NOS1: variants seen among roughly 807,000 people sequenced by gnomAD.
The protein encoded by NOS1 is nitric oxide synthase 1, also known as NOS type I.
NOS1 carries 51 observed loss-of-function variants against 164.5 expected under a neutral mutation model. The observed-to-expected ratio is 0.31, with a 90% confidence interval of 0.25 to 0.39. The LOEUF (loss-of-function observed/expected upper bound fraction) is 0.39, where lower values mean the gene tolerates loss of function less well. Ranked by LOEUF, NOS1 falls within the 10% of genes least tolerant of loss-of-function variation. The pLI, the probability that NOS1 is intolerant of heterozygous loss-of-function variation, is 1.00. For synonymous variants in NOS1, 719 were observed against 745.8 expected (o/e 0.96, Z 0.59); for missense variants, 1,362 against 1,885.6 (o/e 0.72, Z 5.14).
rs1461666335 is a variant in NOS1 at position 117,330,695 on chromosome 12, G to A, written c.375C>T (p.Pro125=). 1 of 1,613,760 alleles carries A rather than the reference G, an allele frequency of 6.2e-7. No individual in the cohort carries two copies. Among genetic ancestry groups the A allele is most frequent in the Admixed American group, 1.7e-5 (1 of 60,020 alleles). The part of the protein sequence containing the change: ...GTPKTIRVTQ[P]LGPPTKAVDL... ...CCACGGCTTTGGTGGGGGGACCCAGGGGCTGTGTCACCCGGATGGTCTTGG... is the reference window on the plus strand; with the variant it reads ...CCACGGCTTTGGTGGGGGGACCCAGAGGCTGTGTCACCCGGATGGTCTTGG... Residue 125 remains proline (P), a synonymous_variant, in exon 2 of 29, where the codon CCC becomes CCT. Transcript: ENST00000317775. The surrounding 1 kb of genome is among the most constrained non-coding windows in gnomAD (Gnocchi z 4.6).
At chr12:117,305,420 C>T (rs1874087881) in intron 3 of NOS1, among the ~76,000 whole-genome samples, 2 of 149,506 alleles carry the variant, frequency 1.3e-5, no homozygotes, top group Middle Eastern at 3.6e-3. Context: ...GCGGAGATCG[C>T]GTCATTGCAC....
chr12:117,278,769 T>C (rs1355544951), intron 8 of NOS1, among the ~76,000 whole-genome samples: 1 of 150,542 alleles, frequency 6.6e-6, no homozygotes, highest in African/African-American at 2.4e-5. Context: ...ATATTAATAA[T>C]ATACTCATCT....
chr12:117,242,194 G>GT (rs913045857), intron 20 of NOS1, among the ~76,000 whole-genome samples: 5 of 152,166 alleles, frequency 3.3e-5, no homozygotes, highest in African/African-American at 1.2e-4. Flanking sequence ...GGGCTGTTTT[G>GT]TGAGGTAATG....
At position 117,234,074 on chromosome 12, in the gene NOS1, G is replaced by A. The variant is rs9658486; in HGVS notation, c.3235+491C>T. Among the ~76,000 whole-genome samples the A allele has an allele frequency of 6.2e-4, 95 of 152,258 alleles. No homozygotes were observed. Among genetic ancestry groups the A allele is most frequent in the Middle Eastern group, 3.4e-3 (1 of 294 alleles). On this transcript the variant is annotated intron_variant, in intron 21 of 28. Transcript: ENST00000317775. The surrounding 1 kb of genome is among the most constrained non-coding windows in gnomAD (Gnocchi z 4.3). ...GAAAGTTCTTCAATATGAATGTCAAGGATGGACACTTAAGCAGGCGAGAAC... is the reference window on the plus strand; with the variant it reads ...GAAAGTTCTTCAATATGAATGTCAAAGATGGACACTTAAGCAGGCGAGAAC...
chr12:117,231,395 A>G (rs1428128870), intron 22 of NOS1, among the ~76,000 whole-genome samples: 1 of 152,114 alleles, frequency 6.6e-6, no homozygotes, highest in Non-Finnish European at 1.5e-5. Flanking sequence ...AATTTATTGT[A>G]TATTTAAAAA....
chr12:117,211,502 C>T lies in NOS1; in HGVS notation c.*3807G>A. On this transcript the variant is annotated 3_prime_UTR_variant, in exon 29 of 29. Transcript: ENST00000317775. ...CCTTTTTGAAAAACATTCTTAGGGA[C>T]TCCCTGTTGCCTTCTGAATAAAGCC... 4.1e-6 allele frequency: 4 copies of T among 984,416 alleles called. No homozygotes were observed. The highest frequency in any genetic ancestry group is 4.8e-6 in the Non-Finnish European group (4 of 829,028). The allele number at this position is 984,416 out of a possible 1,614,324, so 61.0% of individuals were successfully genotyped here. A position where few individuals can be genotyped will look rare whatever the true frequency, so the allele number is the denominator to read the frequency against.
chr12:117,352,242 G>A (rs532793641), intron 1 of NOS1, among the ~76,000 whole-genome samples: 19 of 152,178 alleles, frequency 1.2e-4, no homozygotes, highest in African/African-American at 3.4e-4. Flanking sequence ...TTCAAGAGCC[G>A]ATGTCATGGC....
intron 22 of NOS1, among the ~76,000 whole-genome samples, chr12:117,231,650 T>C (rs995642711): frequency 5.3e-5 from 8 of 152,338 alleles, no homozygotes; most frequent in Admixed American, 3.9e-4. Context: ...TTTCTTTTTC[T>C]CCTAAGCATG....
rs200222625 is a variant in NOS1 at position 117,269,460 on chromosome 12, A to ATTTTTT, written c.1840-1317_1840-1316insAAAAAA. ...GGCCCAGGGGGCAGGATCTCTGGAGATTTGTTTTTTTTTTTTTTTTTTTTT... is the reference window on the plus strand; with the variant it reads ...GGCCCAGGGGGCAGGATCTCTGGAGATTTTTTTTTGTTTTTTTTTTTTTTTTTTTTT... On this transcript the variant is annotated intron_variant, in intron 10 of 28. Transcript: ENST00000317775. Among the ~76,000 whole-genome samples the ATTTTTT allele has an allele frequency of 6.4e-5, 7 of 110,046 alleles. 2 individuals are homozygous for ATTTTTT. Among genetic ancestry groups the ATTTTTT allele is most frequent in the Non-Finnish European group, 8.4e-5 (5 of 59,414 alleles). The allele number at this position is 110,046 out of a possible 152,430, so 72.2% of individuals were successfully genotyped here.
chr12:117,208,485 G>A lies in NOS1; in HGVS notation c.*6824C>T, dbSNP rs1054967153. 1.7e-5 allele frequency: 22 copies of A among 1,262,850 alleles called. No individual in the cohort carries two copies. In the Admixed American group the frequency reaches 3.1e-4, roughly 18 times the overall value. The allele number at this position is 1,262,850 out of a possible 1,614,324, so 78.2% of individuals were successfully genotyped here. ...CCAAGCCCGGAACGGACACTGCGAC[G>A]TGGGGTGCCCGGCACCGCTCTTTGG... On this transcript the variant is annotated 3_prime_UTR_variant, in exon 29 of 29. Coordinates refer to ENST00000317775, the MANE Select transcript of NOS1 (RefSeq NM_000620.5).
intron 20 of NOS1, among the ~76,000 whole-genome samples, chr12:117,241,097 G>A (rs903799973): frequency 6.6e-6 from 1 of 151,784 alleles, no homozygotes; most frequent in East Asian, 1.9e-4. Context: ...CCACAACCAC[G>A]CCTGGCTAAT....
rs965058711 is a variant in NOS1, at chr12:117,343,539, C to T, written c.-420-12050G>A. On this transcript the variant is annotated intron_variant, in intron 1 of 28. Coordinates refer to ENST00000317775, the MANE Select transcript of NOS1 (RefSeq NM_000620.5). Reference sequence around the variant, plus strand: ...CATTTAACATTTTGACTCTCAATTTCCTTTTGTGAAATCGAAACAGTAATA... The same window carrying T: ...CATTTAACATTTTGACTCTCAATTTTCTTTTGTGAAATCGAAACAGTAATA... 2.6e-5 allele frequency among the ~76,000 whole-genome samples: 4 copies of T among 152,132 alleles called. No homozygotes were observed. The East Asian group carries it at 7.7e-4, about 29-fold the overall frequency.
chr12:117,285,057 A>T (rs533617537), intron 7 of NOS1, among the ~76,000 whole-genome samples, 184 bp downstream of exon 7: 49 of 151,168 alleles, frequency 3.2e-4, no homozygotes, highest in African/African-American at 8.7e-4. Context: ...CTCAAAAAAA[A>T]AAATAAATAA....
rs550612870 is a variant in NOS1 at position 117,307,605 on chromosome 12, G to A, written c.852+3861C>T. On this transcript the variant is annotated intron_variant, in intron 3 of 28. Transcript: ENST00000317775. ...TGGTCTTAAATTCCTAGGCTCAAGC[G>A]ATCCACCTGCCTTGGCTTCCTAGAG... is the stretch of plus-strand genomic sequence containing the variant. 3.9e-5 allele frequency among the ~76,000 whole-genome samples: 6 copies of A among 152,168 alleles called. No homozygotes were observed. In the South Asian group the frequency reaches 1.0e-3, roughly 26 times the overall value.
intron 16 of NOS1, chr12:117,255,913 G>T: frequency 6.9e-7 from 1 of 1,442,796 alleles, no homozygotes; most frequent in Non-Finnish European, 9.2e-7. Flanking sequence ...ACACACCTGC[G>T]TGTACACACA....
chr12:117,282,676 G>T (rs1873773994), intron 7 of NOS1, among the ~76,000 whole-genome samples: 1 of 152,156 alleles, frequency 6.6e-6, no homozygotes, highest in African/African-American at 2.4e-5. Context: ...TCACATAGAG[G>T]CAAAGATGCT....
chr12:117,307,339 G>T lies in NOS1; in HGVS notation c.852+4127C>A, dbSNP rs974472116. On this transcript the variant is annotated intron_variant, in intron 3 of 28. Transcript: ENST00000317775. ...AGACTTTTGTGTGTGTAGAAATGAA[G>T]AATGTTGTTAGGTGCTTTTTTTTGT... 7.9e-5 allele frequency among the ~76,000 whole-genome samples: 12 copies of T among 152,022 alleles called. 1 individual carries two copies. Among genetic ancestry groups the T allele is most frequent in the Admixed American group, 7.9e-4 (12 of 15,254 alleles).
intron 1 of NOS1, among the ~76,000 whole-genome samples, chr12:117,336,263 C>A (rs550802731): frequency 1.3e-5 from 2 of 152,178 alleles, no homozygotes; most frequent in African/African-American, 4.8e-5. Context: ...CTGGTTTACC[C>A]GTGCTTTCCA....
In NOS1 at chr12:117,242,695, A is replaced by G. The variant is rs945096543; in HGVS notation, c.2973T>C (p.Asn991=). The G allele has an allele frequency of 3.1e-6, 5 of 1,614,100 alleles. No individual in the cohort carries two copies. Among genetic ancestry groups the G allele is most frequent in the Non-Finnish European group, 4.2e-6 (5 of 1,179,956 alleles). Residue 991 remains asparagine, a synonymous_variant, in exon 20 of 29, where the codon AAT becomes AAC. Transcript: ENST00000317775. ...CAGCTGAGACTCGCTTTTTGTGGAC[A>G]TTGGATAGACCTGTGGGGAGAAAAA... ...EAPELTQGLS[N]VHKKRVSAAR...
Sources: gnomAD v4.1 joint callset for allele counts (sites outside exome capture counted in the v4.1 genomes callset) on GRCh38, gnomAD v4.1.1 for gene constraint, Gnocchi (gnomAD v3.1) non-coding constraint, MANE v1.5 for transcripts, NCBI Gene and HGNC (gene_info 2026-07-23, HGNC 2026-07-21) for gene names.